The following ST7L variants were observed in gnomAD, a reference collection of about 807,000 sequenced individuals.
ST7L encodes suppressor of tumorigenicity 7 protein-like.
A neutral mutation model predicts 72.5 loss-of-function variants in ST7L; 57 were observed. That is an observed-to-expected ratio of 0.79 (90% confidence interval 0.64 to 0.98). The LOEUF (loss-of-function observed/expected upper bound fraction) is 0.98, where lower values mean the gene tolerates loss of function less well. ST7L is among the 50% of genes least tolerant of loss of function. ST7L has a pLI of 0.00. For missense variants in ST7L, 576 were observed against 672.2 expected (o/e 0.86, Z 1.58); for synonymous variants, 221 against 240.9 (o/e 0.92, Z 0.77).
chr1:112,574,584 G>A (rs1480719242), intron 11 of ST7L, among the ~76,000 whole-genome samples: 6 of 151,180 alleles, frequency 4.0e-5, no homozygotes, highest in South Asian at 2.1e-4. Flanking sequence ...GCATAAACCC[G>A]GGAGGCAGAG....
At chr1:112,597,452 A>C (rs780899442) in intron 5 of ST7L, among the ~76,000 whole-genome samples, 4 of 152,208 alleles carry the variant, frequency 2.6e-5, no homozygotes, top group Non-Finnish European at 4.4e-5. Flanking sequence ...TCAATCAATC[A>C]ATCAGCCCTG....
intron 12 of ST7L, among the ~76,000 whole-genome samples, chr1:112,551,339 G>A (rs952830533): frequency 4.6e-5 from 7 of 151,558 alleles, no homozygotes; most frequent in East Asian, 3.9e-4. Context: ...TAGTAGAGGC[G>A]GGGTTTCACC....
downstream of ST7L, among the ~76,000 whole-genome samples, chr1:112,519,502 A>G (rs1448593086): frequency 1.3e-5 from 2 of 152,040 alleles, no homozygotes; most frequent in South Asian, 2.1e-4. Context: ...TATTGATTTT[A>G]TGATCTGTTG....
chr1:112,570,568 T>TATATATAC (rs1553248239), intron 11 of ST7L, among the ~76,000 whole-genome samples: 1 of 144,806 alleles, frequency 6.9e-6, no homozygotes, highest in Non-Finnish European at 1.5e-5. Context: ...TATATATATA[T>TATATATAC]ATACACACAC....
Position 112,579,919 on chromosome 1 carries a change from A to G in ST7L, c.1070-1502T>C, listed in dbSNP as rs114632255. Among the ~76,000 whole-genome samples the G allele has an allele frequency of 9.7e-3, 1,480 of 152,316 alleles. 28 individuals carry two copies. The highest frequency in any genetic ancestry group is 0.033 in the African/African-American group (1,367 of 41,570). On this transcript the variant is annotated intron_variant, in intron 9 of 14. Coordinates refer to ENST00000358039, the MANE Select transcript of ST7L (RefSeq NM_017744.5). ...CATTCAGTCCCTAAGCTTGCTCATC[A>G]TAAGTATTATAAGCAGGCCATGTAT... is the stretch of plus-strand genomic sequence containing the variant.
chr1:112,555,766 C>G (rs1033252614), intron 12 of ST7L, 102 bp downstream of exon 12: 2 of 1,180,784 alleles, frequency 1.7e-6, no homozygotes, highest in African/African-American at 1.5e-5. Context: ...ATCTGAACGA[C>G]AAATCCTTAT....
chr1:112,550,456 TACA>T, intron 13 of ST7L, 142 bp downstream of exon 13: 1 of 533,820 alleles, frequency 1.9e-6, no homozygotes, highest in Non-Finnish European at 3.3e-6. Context: ...AATTGAATTA[TACA>T]ACTACATCCC....
At chr1:112,601,187 A>G (rs1056061841) in intron 3 of ST7L, among the ~76,000 whole-genome samples, 1 of 152,170 alleles carries the variant, frequency 6.6e-6, no homozygotes, top group African/African-American at 2.4e-5. Context: ...GCTTAACTGA[A>G]TTAAATATAG....
At chr1:112,581,253 A>C (rs923714496) in intron 9 of ST7L, among the ~76,000 whole-genome samples, 1 of 152,196 alleles carries the variant, frequency 6.6e-6, no homozygotes, top group Non-Finnish European at 1.5e-5. Flanking sequence ...ACTCCAAAAC[A>C]AATAAGGTAC....
intron 5 of ST7L, among the ~76,000 whole-genome samples, chr1:112,596,460 C>T (rs1666494247): frequency 1.3e-5 from 2 of 152,114 alleles, no homozygotes; most frequent in African/African-American, 2.4e-5. Flanking sequence ...CCCTTTGCTT[C>T]GGTTTCTTTA....
At chr1:112,572,418 T>C (rs1372351516) in intron 11 of ST7L, among the ~76,000 whole-genome samples, 3 of 152,138 alleles carry the variant, frequency 2.0e-5, no homozygotes, top group East Asian at 1.9e-4. Flanking sequence ...CTTCTTCCAA[T>C]AGAAGGCTGT....
rs141873071 is a variant in ST7L at position 112,537,798 on chromosome 1, C to A, written c.1629+4153G>T. Among the ~76,000 whole-genome samples, 129 of 152,316 alleles carry A rather than the reference C, an allele frequency of 8.5e-4. 1 individual carries two copies. The highest frequency in any genetic ancestry group is 3.0e-3 in the African/African-American group (124 of 41,564). On this transcript the variant is annotated intron_variant, in intron 14 of 14. Coordinates refer to ENST00000358039, the MANE Select transcript of ST7L (RefSeq NM_017744.5). ...GTCTAATGTCAGACTAGGTTTTCAT[C>A]TCAGCCAGGAGAAAAATCAGGGGAA...
intron 13 of ST7L, among the ~76,000 whole-genome samples, chr1:112,548,053 A>G (rs1657454511): frequency 6.6e-6 from 1 of 152,290 alleles, no homozygotes; most frequent in South Asian, 2.1e-4. Flanking sequence ...GGTAACCATT[A>G]TAAGAGATAC....
At chr1:112,582,511 T>G in intron 7 of ST7L, 39 bp from the exon 8 acceptor site, 3 of 1,263,216 alleles carry the variant, frequency 2.4e-6, no homozygotes, top group African/African-American at 3.0e-5. Flanking sequence ...ACTATCACTT[T>G]TGTATTGTGG....
intron 13 of ST7L, among the ~76,000 whole-genome samples, chr1:112,542,747 CTAAA>C (rs71081246): frequency 0.19 from 26,624 of 142,704 alleles, 3,089 homozygotes; most frequent in African/African-American, 0.33. Flanking sequence ...AGACCTGTCT[CTAAA>C]TAAATAAATA....
chr1:112,611,354 A>C (rs972757491), intron 2 of ST7L, among the ~76,000 whole-genome samples: 1 of 152,232 alleles, frequency 6.6e-6, no homozygotes, highest in Non-Finnish European at 1.5e-5. Context: ...AATAATAAGC[A>C]TAGTGGATGA....
intron 3 of ST7L, among the ~76,000 whole-genome samples, chr1:112,609,951 A>C (rs1373709625): frequency 1.3e-5 from 2 of 152,070 alleles, no homozygotes; most frequent in African/African-American, 4.8e-5. Flanking sequence ...TACTGAAAAA[A>C]ATTTTTTTTC....
chr1:112,540,359 G>C (rs1475053406), intron 14 of ST7L: 1 of 985,268 alleles, frequency 1.0e-6, no homozygotes, highest in Admixed American at 6.2e-5. Context: ...TTCGATGCCA[G>C]ATTACATAGT....
Position 112,582,486 on chromosome 1 carries a change from C to T in ST7L, c.857-14G>A. The T allele has an allele frequency of 2.7e-6, 4 of 1,480,212 alleles. No homozygotes were observed. Among genetic ancestry groups the T allele is most frequent in the Non-Finnish European group, 1.9e-6 (2 of 1,076,010 alleles). The allele number at this position is 1,480,212 out of a possible 1,614,324, so 91.7% of individuals were successfully genotyped here. A position where few individuals can be genotyped will look rare whatever the true frequency, so the allele number is the denominator to read the frequency against. ...TGGTATCTCTCCCTATTTAGAAAAA[C>T]AAAAAAATGATACAACTATCACTTT... On this transcript the variant is annotated splice_polypyrimidine_tract_variant and intron_variant, in intron 7 of 14. Coordinates refer to ENST00000358039, the MANE Select transcript of ST7L (RefSeq NM_017744.5).
Sources: gnomAD v4.1 joint callset for allele counts (sites outside exome capture counted in the v4.1 genomes callset) on GRCh38, gnomAD v4.1.1 for gene constraint, MANE v1.5 for transcripts, NCBI Gene and HGNC (gene_info 2026-07-23, HGNC 2026-07-21) for gene names.